Variants in ARHGEF26 observed in about 807,000 individuals in gnomAD.
ARHGEF26 encodes Rho guanine nucleotide exchange factor (GEF) 26.
Under a neutral mutation model 89.4 loss-of-function variants are expected in ARHGEF26, and 59 were observed. The ratio of observed to expected loss-of-function variants is 0.66; its 90% CI spans 0.54 to 0.82. ARHGEF26 has a LOEUF of 0.82. Among genes scored for constraint, ARHGEF26 ranks in the 40% least tolerant of loss-of-function variants. The pLI is 0.00. For missense variants in ARHGEF26, 1,234 were observed against 1,085.6 expected (o/e 1.14, Z -1.92); for synonymous variants, 500 against 428.4 (o/e 1.17, Z -2.06).
At chr3:154,239,299 A>T (rs408419) in intron 11 of ARHGEF26, among the ~76,000 whole-genome samples, 7,375 of 64,108 alleles carry the variant, frequency 0.12, 556 homozygotes, top group East Asian at 0.28. Context: ...AGAGAGAGAG[A>T]GTGTGTGTGT....
intron 4 of ARHGEF26, among the ~76,000 whole-genome samples, chr3:154,138,241 A>AT (rs1418952137): frequency 3.9e-5 from 1 of 25,712 alleles, no homozygotes; most frequent in Non-Finnish European, 6.0e-5. Flanking sequence ...TATACATGTA[A>AT]ATTTTTTTAA....
intron 4 of ARHGEF26, among the ~76,000 whole-genome samples, chr3:154,136,726 AT>A (rs879863791): frequency 6.6e-6 from 1 of 152,140 alleles, no homozygotes; most frequent in Non-Finnish European, 1.5e-5. Flanking sequence ...AAATTTTCAC[AT>A]TTGTCTGAAT....
At chr3:154,254,959 T>G (rs1718399979) in intron 14 of ARHGEF26, 135 bp downstream of exon 14, 3 of 741,606 alleles carry the variant, frequency 4.0e-6, no homozygotes, top group African/African-American at 3.5e-5. Context: ...ATATATGTAC[T>G]GTCTTCTCAT....
chr3:154,138,368 A>C (rs749307152), intron 4 of ARHGEF26, among the ~76,000 whole-genome samples: 3 of 152,158 alleles, frequency 2.0e-5, no homozygotes, highest in Non-Finnish European at 2.9e-5. Flanking sequence ...CATGTTGTTA[A>C]TATCACTTTA....
intron 11 of ARHGEF26, among the ~76,000 whole-genome samples, 158 bp from the exon 12 acceptor site, chr3:154,240,208 GTAGA>G (rs764060592): frequency 1.3e-5 from 2 of 152,282 alleles, no homozygotes; most frequent in South Asian, 4.1e-4. Flanking sequence ...TTCATAATCA[GTAGA>G]TAGAATTCAA....
intron 4 of ARHGEF26, among the ~76,000 whole-genome samples, chr3:154,148,492 T>C (rs1719822513): frequency 6.6e-6 from 1 of 152,214 alleles, no homozygotes; most frequent in South Asian, 2.1e-4. Flanking sequence ...GACAAAGTAC[T>C]CTTAATTCCT....
chr3:154,125,031 G>A (rs1718248285), intron 3 of ARHGEF26, among the ~76,000 whole-genome samples: 1 of 151,858 alleles, frequency 6.6e-6, no homozygotes, highest in Non-Finnish European at 1.5e-5. Flanking sequence ...TCAGATTAAT[G>A]GACTTTTTTA....
chr3:154,198,401 CATT>C (rs1714414711), intron 9 of ARHGEF26, among the ~76,000 whole-genome samples: 1 of 152,038 alleles, frequency 6.6e-6, no homozygotes, highest in African/African-American at 2.4e-5. Context: ...GAAAAGAAGT[CATT>C]ATGTGAAAAA....
At chr3:154,214,758 T>C (rs2108239474) in intron 9 of ARHGEF26, among the ~76,000 whole-genome samples, 1 of 152,312 alleles carries the variant, frequency 6.6e-6, no homozygotes, top group East Asian at 1.9e-4. Context: ...GGTATGGTGC[T>C]TGGGTTTCAC....
At chr3:154,134,131 C>T (rs2108056474) in intron 4 of ARHGEF26, among the ~76,000 whole-genome samples, 1 of 152,300 alleles carries the variant, frequency 6.6e-6, no homozygotes, top group African/African-American at 2.4e-5. Context: ...AGGATCATGT[C>T]ATCTGCAGAC....
At chr3:154,232,384 ATGTT>A (rs200027455) in intron 11 of ARHGEF26, among the ~76,000 whole-genome samples, 1,606 of 152,244 alleles carry the variant, frequency 0.011, 19 homozygotes, top group African/African-American at 0.037. Context: ...TGTATGTGGC[ATGTT>A]TGTTAGACTT....
intron 4 of ARHGEF26, among the ~76,000 whole-genome samples, chr3:154,145,273 A>G (rs1197160383): frequency 6.6e-6 from 1 of 152,214 alleles, no homozygotes. Flanking sequence ...CTTGTAATTC[A>G]GGGATGACTC....
rs562454498 is a variant in ARHGEF26, at chr3:154,192,427, G to A, written c.1770+1009G>A. ...TGGAATCATGAGCATTTAGCTGACT[G>A]CTGCAGTTTTGGAGACGTTTTGTCA... is the stretch of plus-strand genomic sequence containing the variant. On this transcript the variant is annotated intron_variant, in intron 8 of 14. Transcript: ENST00000465093. Among the ~76,000 whole-genome samples, 8 of 152,310 alleles carry A rather than the reference G, an allele frequency of 5.3e-5. No homozygotes were observed. In the South Asian group the frequency reaches 1.4e-3, roughly 28 times the overall value.
chr3:154,253,356 T>C (rs1355054990), intron 13 of ARHGEF26, among the ~76,000 whole-genome samples, 173 bp downstream of exon 13: 1 of 152,280 alleles, frequency 6.6e-6, no homozygotes, highest in Non-Finnish European at 1.5e-5. Flanking sequence ...TCAGGGGGTC[T>C]GAATTCAAAT....
intron 9 of ARHGEF26, among the ~76,000 whole-genome samples, chr3:154,205,818 G>A (rs1320611386): frequency 6.6e-6 from 1 of 152,020 alleles, no homozygotes; most frequent in Non-Finnish European, 1.5e-5. Context: ...TGTTGTTTCT[G>A]TTTATATCTT....
chr3:154,219,792 T>TATAC (rs1716006113), intron 10 of ARHGEF26, among the ~76,000 whole-genome samples: 1 of 151,810 alleles, frequency 6.6e-6, no homozygotes, highest in Admixed American at 6.6e-5. Context: ...CGGGCACCTG[T>TATAC]AGTCCCAGCT....
chr3:154,221,027 C>T (rs1576796938), intron 10 of ARHGEF26, among the ~76,000 whole-genome samples: 1 of 152,156 alleles, frequency 6.6e-6, no homozygotes, highest in East Asian at 1.9e-4. Context: ...CTACCAGAAG[C>T]TGGGGGAGAG....
At chr3:154,251,072 A>G (rs1471870764) in intron 12 of ARHGEF26, among the ~76,000 whole-genome samples, 2 of 152,108 alleles carry the variant, frequency 1.3e-5, no homozygotes, top group Non-Finnish European at 2.9e-5. Context: ...GCCCAGCCTC[A>G]TCTTAATCTT....
intron 4 of ARHGEF26, among the ~76,000 whole-genome samples, chr3:154,140,969 A>G (rs1253801863): frequency 6.9e-6 from 1 of 145,886 alleles, no homozygotes; most frequent in African/African-American, 2.6e-5. Context: ...CTTCCATCCT[A>G]TTTTTTTTTT....
Sources: gnomAD v4.1 joint callset for allele counts (sites outside exome capture counted in the v4.1 genomes callset) on GRCh38, gnomAD v4.1.1 for gene constraint, MANE v1.5 for transcripts, NCBI Gene and HGNC (gene_info 2026-07-23, HGNC 2026-07-21) for gene names.